Variants in KYNU observed in about 807,000 individuals in gnomAD.
KYNU encodes the protein L-kynurenine hydrolase.
KYNU carries 54 observed loss-of-function variants against 59.2 expected under a neutral mutation model. The observed-to-expected ratio is 0.91, with a 90% CI of 0.73 to 1.14. The LOEUF is 1.14. KYNU is among the 50% of genes most tolerant of loss of function. The pLI, the probability that KYNU is intolerant of heterozygous loss-of-function variation, is 0.00. For synonymous variants in KYNU, 177 were observed against 192.0 expected, an observed-to-expected ratio of 0.92 and a Z score of 0.65; for missense variants, 567 against 554.4, an observed-to-expected ratio of 1.02 and a Z score of -0.23.
At chr2:142,950,887 C>T (rs904482895) in intron 4 of KYNU, among the ~76,000 whole-genome samples, 6 of 152,140 alleles carry the variant, frequency 3.9e-5, no homozygotes, top group Non-Finnish European at 8.8e-5. Context: ...CTTCCTTTCA[C>T]TTGAACACCT....
chr2:143,043,139 C>T lies in KYNU; in HGVS notation c.*967C>T, dbSNP rs1259771382. ...TAATCTCTTACTTTTTAAATGAGAACTTCCCCTAATATAAGAGCTTAGATA... is the reference window on the plus strand; with the variant it reads ...TAATCTCTTACTTTTTAAATGAGAATTTCCCCTAATATAAGAGCTTAGATA... On this transcript the variant is annotated 3_prime_UTR_variant, in exon 14 of 14. Coordinates refer to ENST00000264170, the MANE Select transcript of KYNU (RefSeq NM_003937.3). The T allele has an allele frequency of 6.6e-6, 1 of 151,910 alleles. No individual in the cohort carries two copies. Among genetic ancestry groups the T allele is most frequent in the African/African-American group, 2.4e-5 (1 of 41,390 alleles). 9.4% of individuals were successfully genotyped at this position (151,910 alleles called of 1,614,324 possible).
At chr2:142,937,046 T>C (rs1683414208) in intron 4 of KYNU, among the ~76,000 whole-genome samples, 1 of 152,130 alleles carries the variant, frequency 6.6e-6, no homozygotes, top group African/African-American at 2.4e-5. Flanking sequence ...GGTTTTATAG[T>C]CTCCTGTAAA....
At chr2:142,980,030 C>T (rs1430685105) in intron 8 of KYNU, among the ~76,000 whole-genome samples, 1 of 152,050 alleles carries the variant, frequency 6.6e-6, no homozygotes, top group Non-Finnish European at 1.5e-5. Flanking sequence ...ATATACTAAA[C>T]AAGGTGTGGA....
chr2:142,936,594 G>C (rs1428034185), intron 4 of KYNU, among the ~76,000 whole-genome samples: 1 of 152,212 alleles, frequency 6.6e-6, no homozygotes, highest in Non-Finnish European at 1.5e-5. Flanking sequence ...AGTTGGCTTA[G>C]AGGTGTCCCC....
intron 4 of KYNU, among the ~76,000 whole-genome samples, chr2:142,939,375 G>A (rs543527681): frequency 1.1e-4 from 17 of 152,138 alleles, no homozygotes; most frequent in East Asian, 3.9e-4. Context: ...AGGCTGAAGC[G>A]GGCAGATCAC....
In KYNU at chr2:143,045,529, C is replaced by T. The variant is rs1443865142; in HGVS notation, c.*3357C>T. On this transcript the variant is annotated 3_prime_UTR_variant, in exon 14 of 14. Coordinates refer to ENST00000264170, the MANE Select transcript of KYNU (RefSeq NM_003937.3). ...TCCTTGAGCAGTGGTTTGTAGTTCTCATTGAAGTAGTCCTTCACATCCCTT... is the reference window on the plus strand; with the variant it reads ...TCCTTGAGCAGTGGTTTGTAGTTCTTATTGAAGTAGTCCTTCACATCCCTT... The T allele has an allele frequency of 2.0e-5, 3 of 152,094 alleles. No individual in the cohort carries two copies. The highest frequency in any genetic ancestry group is 4.8e-5 in the African/African-American group (2 of 41,424). The allele number at this position is 152,094 out of a possible 1,614,324, so 9.4% of individuals were successfully genotyped here.
intron 2 of KYNU, 62 bp downstream of exon 2, chr2:142,885,598 T>C: frequency 7.5e-7 from 1 of 1,334,178 alleles, no homozygotes; most frequent in Non-Finnish European, 1.0e-6. Flanking sequence ...ACTGCATGTG[T>C]TTATTATAAT....
At chr2:142,960,516 A>G in intron 7 of KYNU, 108 bp from the exon 8 acceptor site, 2 of 988,186 alleles carry the variant, frequency 2.0e-6, no homozygotes. Context: ...CTGAAAAAAA[A>G]AACTATTTTA....
intron 11 of KYNU, among the ~76,000 whole-genome samples, chr2:143,032,731 G>GTGTGTGTGTGTGTGTGTC (rs1473460490): frequency 2.0e-5 from 3 of 151,256 alleles, no homozygotes; most frequent in Non-Finnish European, 4.4e-5. Flanking sequence ...GTGTGTGTGT[G>GTGTGTGTGTGTGTGTGTC]TGTGTGTGTG....
intron 4 of KYNU, among the ~76,000 whole-genome samples, chr2:142,932,242 GGTGAGGAAGATTTTGAGA>G (rs1021951724): frequency 6.6e-5 from 10 of 152,146 alleles, no homozygotes; most frequent in Admixed American, 6.5e-5. Flanking sequence ...AGTCTTTGGA[GGTGAGGAAGATTTTGAGA>G]GTGAGGAAGA....
chr2:143,021,500 T>C (rs1198220059), intron 10 of KYNU, among the ~76,000 whole-genome samples: 1 of 152,188 alleles, frequency 6.6e-6, no homozygotes, highest in South Asian at 2.1e-4. Context: ...TTCTGCAGGT[T>C]GTACAGGAAG....
chr2:142,921,930 T>G lies in KYNU; in HGVS notation c.290+3201T>G, dbSNP rs13394445. ...CATTCTCACTGTTGCCTTGTTTTTT[T>G]GTACTAAAATCAAACCCTGCATGTG... is the stretch of plus-strand genomic sequence containing the variant. On this transcript the variant is annotated intron_variant, in intron 3 of 13. Transcript: ENST00000264170. Among the ~76,000 whole-genome samples, 467 of 152,314 alleles carry G rather than the reference T, an allele frequency of 3.1e-3. 3 individuals carry two copies. Among genetic ancestry groups the G allele is most frequent in the Middle Eastern group, 0.01 (3 of 294 alleles).
chr2:142,926,451 C>G (rs991737888), intron 3 of KYNU, among the ~76,000 whole-genome samples: 8 of 152,010 alleles, frequency 5.3e-5, no homozygotes, highest in African/African-American at 1.9e-4. Context: ...AGGTTTTGAT[C>G]AATAGAAGTT....
At position 142,919,901 on chromosome 2, in the gene KYNU, G is replaced by A. The variant is rs530972243; in HGVS notation, c.290+1172G>A. 3.9e-5 allele frequency among the ~76,000 whole-genome samples: 6 copies of A among 152,110 alleles called. No homozygotes were observed. The South Asian group carries it at 6.2e-4, about 16-fold the overall frequency. On this transcript the variant is annotated intron_variant, in intron 3 of 13. Transcript: ENST00000264170. ...AGTCTGACCAACATGGTGAAACCTC[G>A]TCTCTACTAAAAATATAAAAATTAG...
intron 4 of KYNU, among the ~76,000 whole-genome samples, chr2:142,939,271 G>A (rs185563757): frequency 4.1e-4 from 62 of 152,184 alleles, no homozygotes; most frequent in Admixed American, 2.2e-3. Context: ...GGTTTTGTGC[G>A]ACTATGTTGT....
At position 142,953,307 on chromosome 2, in the gene KYNU, C is replaced by T. The variant is rs164736; in HGVS notation, c.374-1503C>T. ...CAATTGAAGTCAACCTCTCAGGGAA[C>T]GGCAAGAATGCTATGTGAATCTGCC... On this transcript the variant is annotated intron_variant, in intron 4 of 13. Coordinates refer to ENST00000264170, the MANE Select transcript of KYNU (RefSeq NM_003937.3). Among the ~76,000 whole-genome samples, 17 of 152,180 alleles carry T rather than the reference C, an allele frequency of 1.1e-4. No homozygotes were observed. The South Asian group carries it at 2.5e-3, about 22-fold the overall frequency.
intron 10 of KYNU, among the ~76,000 whole-genome samples, chr2:143,013,625 C>G (rs79005853): frequency 0.089 from 13,505 of 152,146 alleles, 821 homozygotes; most frequent in African/African-American, 0.17. Context: ...TTAATTCTAT[C>G]CTGAACCCAC....
chr2:143,008,126 A>G (rs1685970794), intron 10 of KYNU, among the ~76,000 whole-genome samples: 1 of 114,904 alleles, frequency 8.7e-6, no homozygotes, highest in South Asian at 3.1e-4. Context: ...TTGGATAAAG[A>G]GTCAAGACCC....
At chr2:142,891,342 A>T (rs1681706357) in intron 2 of KYNU, among the ~76,000 whole-genome samples, 1 of 152,138 alleles carries the variant, frequency 6.6e-6, no homozygotes, top group South Asian at 2.1e-4. Context: ...TATATAGAAG[A>T]TTATTAACTC....
Sources: allele counts gnomAD v4.1 joint callset (sites outside exome capture counted in the v4.1 genomes callset), GRCh38; gene constraint gnomAD v4.1.1; transcripts MANE v1.5; gene names NCBI Gene and HGNC (gene_info 2026-07-23, HGNC 2026-07-21).